Variants in SPATA21 observed in about 807,000 individuals in gnomAD.
SPATA21 encodes spermatogenesis-associated protein 21.
Under a neutral mutation model 54.8 loss-of-function variants are expected in SPATA21, and 47 were observed. That is an observed-to-expected ratio of 0.86 (90% CI 0.68 to 1.09). The LOEUF (loss-of-function observed/expected upper bound fraction) is 1.09, where lower values mean the gene tolerates loss of function less well. Among genes scored for constraint, SPATA21 ranks in the 50% least tolerant of loss-of-function variants. The pLI, the probability that SPATA21 is intolerant of heterozygous loss-of-function variation, is 0.00. For missense variants in SPATA21, 599 were observed against 596.4 expected, an observed-to-expected ratio of 1.00 and a Z score of -0.05; for synonymous variants, 245 against 235.3, an observed-to-expected ratio of 1.04 and a Z score of -0.38.
chr1:16,422,700 G>A (rs1236116470), intron 3 of SPATA21, among the ~76,000 whole-genome samples: 3 of 152,020 alleles, frequency 2.0e-5, no homozygotes, highest in Admixed American at 6.6e-5. Flanking sequence ...TAGAGATGAG[G>A]TCTCACTATG....
At chr1:16,419,493 T>G (rs1407837047) in intron 5 of SPATA21, among the ~76,000 whole-genome samples, 1 of 151,818 alleles carries the variant, frequency 6.6e-6, no homozygotes, top group Non-Finnish European at 1.5e-5. Context: ...GAATCAGAGG[T>G]GATTTTGAGC....
Position 16,421,811 on chromosome 1 carries a change from A to T in SPATA21, c.95+100T>A. 1 of 1,563,966 alleles carries T rather than the reference A, an allele frequency of 6.4e-7. No homozygotes were observed. The highest frequency in any genetic ancestry group is 8.8e-7 in the Non-Finnish European group (1 of 1,137,768). On this transcript the variant is annotated intron_variant, in intron 4 of 12. Coordinates refer to ENST00000335496, the MANE Select transcript of SPATA21 (RefSeq NM_198546.1). This position sits in a 1 kb window ranked among gnomAD's most constrained non-coding sequence, Gnocchi z 5.2. Reference sequence around the variant, plus strand: ...GAGCATGACTTGCCCAAGGTCCTCTACCAGGTCAGGAGCAGTCTGGACTAG... The same window carrying T: ...GAGCATGACTTGCCCAAGGTCCTCTTCCAGGTCAGGAGCAGTCTGGACTAG...
intron 5 of SPATA21, among the ~76,000 whole-genome samples, chr1:16,417,998 T>C (rs1198839680): frequency 6.6e-6 from 1 of 152,226 alleles, no homozygotes; most frequent in Non-Finnish European, 1.5e-5. Flanking sequence ...CCTGCAGGAC[T>C]TCCTGTCCAG....
At chr1:16,416,709 A>T (rs1034269390) in intron 5 of SPATA21, among the ~76,000 whole-genome samples, 1 of 151,472 alleles carries the variant, frequency 6.6e-6, no homozygotes, top group Non-Finnish European at 1.5e-5. Context: ...TGTGGTGGGA[A>T]TGCAATATCC....
intron 3 of SPATA21, among the ~76,000 whole-genome samples, chr1:16,430,583 T>C (rs1339900622): frequency 6.6e-6 from 1 of 152,114 alleles, no homozygotes; most frequent in Non-Finnish European, 1.5e-5. Flanking sequence ...GGCTGGAGGC[T>C]GTGAGGGGAG....
intron 5 of SPATA21, among the ~76,000 whole-genome samples, chr1:16,419,871 C>T (rs2086120201): frequency 1.3e-5 from 2 of 152,148 alleles, no homozygotes; most frequent in South Asian, 4.1e-4. Context: ...ACCTCAGAGA[C>T]AGAGGTTGCA....
chr1:16,408,071 T>C (rs2085704763), intron 7 of SPATA21, among the ~76,000 whole-genome samples: 1 of 152,050 alleles, frequency 6.6e-6, no homozygotes, highest in East Asian at 1.9e-4. Flanking sequence ...CCAGCCCTGG[T>C]AGAGGGTTTT....
chr1:16,433,160 C>A (rs2086502030), intron 1 of SPATA21, among the ~76,000 whole-genome samples: 1 of 152,262 alleles, frequency 6.6e-6, no homozygotes, highest in Non-Finnish European at 1.5e-5. Flanking sequence ...TTAGGGGATA[C>A]ACTGGGTGTC....
At chr1:16,415,867 C>T (rs1251307175) in intron 5 of SPATA21, among the ~76,000 whole-genome samples, 1 of 152,126 alleles carries the variant, frequency 6.6e-6, no homozygotes, top group East Asian at 1.9e-4. Flanking sequence ...CAAATGTCTC[C>T]TATTATTTCA....
rs192962933 is a variant in SPATA21 at position 16,419,723 on chromosome 1, G to C, written c.144+1786C>G. On this transcript the variant is annotated intron_variant, in intron 5 of 12. Transcript: ENST00000335496. ...GGGAGGCTGAGGCGGGCGGATCACC[G>C]GAGGTAAGGAGTTCGAGAGCAGCCT... Among the ~76,000 whole-genome samples, 171 of 152,194 alleles carry C rather than the reference G, an allele frequency of 1.1e-3. 3 individuals are homozygous for C. The highest frequency in any genetic ancestry group is 3.8e-3 in the African/African-American group (156 of 41,550).
At chr1:16,399,605 G>A (rs927512217) in intron 11 of SPATA21, 84 bp from the exon 12 acceptor site, 18 of 1,457,338 alleles carry the variant, frequency 1.2e-5, no homozygotes, top group African/African-American at 4.2e-5. Context: ...AAATCCTGGC[G>A]TTGCTACATA....
chr1:16,398,616 G>C (rs569779566), downstream of SPATA21: 73 of 815,294 alleles, frequency 9.0e-5, no homozygotes, highest in African/African-American at 9.2e-4. Context: ...CAACTTGAGG[G>C]CCTTTCTTGG....
At chr1:16,422,608 G>T (rs1202389647) in intron 3 of SPATA21, among the ~76,000 whole-genome samples, 1 of 151,686 alleles carries the variant, frequency 6.6e-6, no homozygotes, top group Non-Finnish European at 1.5e-5. Flanking sequence ...TGAGCTCAAG[G>T]GATCCCCCTG....
rs41269195 is a variant in SPATA21, at chr1:16,409,777, G to A, written c.411C>T (p.Ser137=). 0.021 allele frequency: 33,052 copies of A among 1,604,178 alleles called. 413 individuals carry two copies. Among genetic ancestry groups the A allele is most frequent in the Non-Finnish European group, 0.025 (29,584 of 1,175,776 alleles). The change falls in exon 6 of 13, where the codon AGC becomes AGT. Residue 137 remains serine, a synonymous_variant. Coordinates refer to ENST00000335496, the MANE Select transcript of SPATA21 (RefSeq NM_198546.1). The surrounding 1 kb of genome is among the most constrained non-coding windows in gnomAD (Gnocchi z 4.1). ...LPQTPASVPA[S]GPSWARLPAP... ...CTGGCAGCCGGGCCCACGATGGGCC[G>A]CTGGCAGGGACCGAGGCAGGGGTCT...
In SPATA21 at chr1:16,400,873, TCAG is replaced by T; in HGVS notation, c.1018_1020del (p.Leu340del). 1.9e-6 allele frequency: 3 copies of T among 1,612,828 alleles called. No individual in the cohort carries two copies. Among genetic ancestry groups the T allele is most frequent in the Non-Finnish European group, 2.5e-6 (3 of 1,179,480 alleles). Reference sequence around the variant, plus strand: ...TCCTGGGCCTTGCAGGTGCCTTCCTTCAGCTTTTTCTGGTAGTAGCTGGGGAGG... The same window carrying T: ...TCCTGGGCCTTGCAGGTGCCTTCCTTCTTTTTCTGGTAGTAGCTGGGGAGG... On this transcript the variant is annotated inframe_deletion, in exon 11 of 13. Coordinates refer to ENST00000335496, the MANE Select transcript of SPATA21 (RefSeq NM_198546.1).
intron 3 of SPATA21, among the ~76,000 whole-genome samples, chr1:16,426,899 A>G (rs1423421842): frequency 6.6e-6 from 1 of 152,002 alleles, no homozygotes; most frequent in African/African-American, 2.4e-5. Flanking sequence ...TTTTTCAATT[A>G]ACATCATAGC....
chr1:16,406,741 C>G (rs1557649029), intron 7 of SPATA21, among the ~76,000 whole-genome samples: 1 of 152,102 alleles, frequency 6.6e-6, no homozygotes, highest in Non-Finnish European at 1.5e-5. Context: ...GGCCCTGTCT[C>G]AAATAAATAA....
At chr1:16,430,524 G>A (rs769717914) in intron 3 of SPATA21, among the ~76,000 whole-genome samples, 20 of 152,214 alleles carry the variant, frequency 1.3e-4, no homozygotes, top group Non-Finnish European at 2.6e-4. Context: ...TGGGCTCTGG[G>A]GAGGGGCATG....
At chr1:16,425,713 C>A (rs2086301062) in intron 3 of SPATA21, 2 of 1,549,310 alleles carry the variant, frequency 1.3e-6, no homozygotes, top group Non-Finnish European at 1.7e-6. Context: ...CCTGGGGGAC[C>A]CAAGAGGGCT....
Sources: allele counts gnomAD v4.1 joint callset (sites outside exome capture counted in the v4.1 genomes callset), GRCh38; gene constraint gnomAD v4.1.1; non-coding constraint Gnocchi (gnomAD v3.1); transcripts MANE v1.5; gene names NCBI Gene and HGNC (gene_info 2026-07-23, HGNC 2026-07-21).